TASP1: variants seen among roughly 807,000 people sequenced by gnomAD.
TASP1 encodes threonine aspartase 1.
Under a neutral mutation model 56.6 loss-of-function variants are expected in TASP1, and 16 were observed. The ratio of observed to expected loss-of-function variants is 0.28; its 90% confidence interval spans 0.19 to 0.43. TASP1 has a LOEUF of 0.43. Ranked by LOEUF, TASP1 falls within the 20% of genes least tolerant of loss-of-function variation. The pLI is 1.00. For synonymous variants in TASP1, 179 were observed against 184.2 expected (o/e 0.97, Z 0.23); for missense variants, 393 against 511.6 (o/e 0.77, Z 2.24).
chr20:13,319,791 C>G, the TASP1 span, among the ~76,000 whole-genome samples: 1 of 152,202 alleles, frequency 6.6e-6, no homozygotes, highest in Non-Finnish European at 1.5e-5. Flanking sequence ...AGCCAGCCAA[C>G]CTTCTTGTCC....
chr20:13,620,932 T>C (rs1383365770), intron 4 of TASP1, among the ~76,000 whole-genome samples: 1 of 152,192 alleles, frequency 6.6e-6, no homozygotes, highest in Non-Finnish European at 1.5e-5. Flanking sequence ...TTTAAGGTAA[T>C]GAATCACAAT....
intron 7 of TASP1, 139 bp downstream of exon 7, chr20:13,569,368 C>T (rs1259519093): frequency 1.9e-5 from 11 of 573,260 alleles, no homozygotes; most frequent in Admixed American, 7.4e-5. Flanking sequence ...TAACTTTCTA[C>T]GTAGCTTTTA....
At chr20:13,352,488 A>G in the TASP1 span, among the ~76,000 whole-genome samples, 1 of 151,886 alleles carries the variant, frequency 6.6e-6, no homozygotes, top group Non-Finnish European at 1.5e-5. Context: ...TAGATTTTAT[A>G]GCAGATGTTG....
the TASP1 span, among the ~76,000 whole-genome samples, chr20:13,298,364 C>T: frequency 6.6e-6 from 1 of 152,198 alleles, no homozygotes; most frequent in Non-Finnish European, 1.5e-5. Flanking sequence ...GATCCGCCCG[C>T]CTCAGCCTCC....
At chr20:13,470,616 A>G (rs1368455980) in intron 11 of TASP1, among the ~76,000 whole-genome samples, 1 of 151,372 alleles carries the variant, frequency 6.6e-6, no homozygotes, top group African/African-American at 2.4e-5. Context: ...CTCTAGTTAA[A>G]CAAAAAAGAA....
At chr20:13,312,587 G>A in the TASP1 span, among the ~76,000 whole-genome samples, 1 of 152,126 alleles carries the variant, frequency 6.6e-6, no homozygotes, top group African/African-American at 2.4e-5. Context: ...CTAATGAGTC[G>A]CAGCCTGCTG....
intron 4 of TASP1, chr20:13,616,927 C>T (rs2048544108): frequency 2.6e-6 from 1 of 377,970 alleles, no homozygotes; most frequent in Non-Finnish European, 5.3e-6. Flanking sequence ...CACAGCCTGT[C>T]TTCTAATTAA....
intron 10 of TASP1, among the ~76,000 whole-genome samples, chr20:13,494,095 A>G (rs556938083): frequency 4.6e-5 from 7 of 152,374 alleles, no homozygotes; most frequent in African/African-American, 1.7e-4. Context: ...TCATTAGGAA[A>G]GTAGCCATAA....
At chr20:13,441,897 T>C (rs1264256064) in intron 11 of TASP1, among the ~76,000 whole-genome samples, 6 of 152,174 alleles carry the variant, frequency 3.9e-5, no homozygotes, top group South Asian at 2.1e-4. Flanking sequence ...CAAAGTTTAC[T>C]GTAAAAAGAG....
At chr20:13,372,927 T>G in the TASP1 span, among the ~76,000 whole-genome samples, 3 of 152,294 alleles carry the variant, frequency 2.0e-5, no homozygotes, top group African/African-American at 7.2e-5. Context: ...TTACCCATTC[T>G]TCCTTTCTGT....
At chr20:13,580,473 T>C (rs2047080496) in intron 6 of TASP1, among the ~76,000 whole-genome samples, 1 of 150,820 alleles carries the variant, frequency 6.6e-6, no homozygotes, top group Non-Finnish European at 1.5e-5. Context: ...AAAATAAAAA[T>C]AAACAAAAAC....
At chr20:13,335,366 A>C in the TASP1 span, among the ~76,000 whole-genome samples, 1 of 150,026 alleles carries the variant, frequency 6.7e-6, no homozygotes, top group Admixed American at 6.6e-5. Context: ...ACACACAAAC[A>C]CACACCCTGG....
chr20:13,266,714 T>G, the TASP1 span, among the ~76,000 whole-genome samples: 1 of 152,246 alleles, frequency 6.6e-6, no homozygotes, highest in Non-Finnish European at 1.5e-5. Context: ...GTCATGATGC[T>G]TTCCTTAAAT....
chr20:13,569,228 T>A (rs1487309056), intron 7 of TASP1, among the ~76,000 whole-genome samples: 5 of 151,896 alleles, frequency 3.3e-5, no homozygotes. Flanking sequence ...CATTGAAGGG[T>A]GGTATTAATG....
At chr20:13,564,767 G>A (rs776353901) in intron 7 of TASP1, among the ~76,000 whole-genome samples, 8 of 152,002 alleles carry the variant, frequency 5.3e-5, no homozygotes, top group East Asian at 1.9e-4. Flanking sequence ...TTTGGAGGCC[G>A]AGGCAGGCAA....
At chr20:13,179,026 G>A in the TASP1 span, among the ~76,000 whole-genome samples, 1 of 151,940 alleles carries the variant, frequency 6.6e-6, no homozygotes, top group Non-Finnish European at 1.5e-5. Context: ...ACATCACTAT[G>A]TACCCCATGA....
rs145510140 is a variant in TASP1 at position 13,400,164 on chromosome 20, T to C, written c.1171-9712A>G. On this transcript the variant is annotated intron_variant, in intron 13 of 13. Coordinates refer to ENST00000337743, the MANE Select transcript of TASP1 (RefSeq NM_017714.3). ...TATGTAAGTCCTCAAGTACAGGGAT[T>C]CTTGTCGCTTGGTTCACTATGATGT... 3.5e-3 allele frequency among the ~76,000 whole-genome samples: 540 copies of C among 152,318 alleles called. 2 individuals are homozygous for C. Among genetic ancestry groups the C allele is most frequent in the Middle Eastern group, 0.017 (5 of 294 alleles).
chr20:13,404,350 C>T (rs2041841990), intron 13 of TASP1, among the ~76,000 whole-genome samples: 1 of 152,206 alleles, frequency 6.6e-6, no homozygotes, highest in Non-Finnish European at 1.5e-5. Context: ...CACTTGTAAT[C>T]TCAGTGCTTT....
At chr20:13,471,849 G>A (rs559587879) in intron 11 of TASP1, among the ~76,000 whole-genome samples, 2 of 152,290 alleles carry the variant, frequency 1.3e-5, no homozygotes, top group East Asian at 3.9e-4. Flanking sequence ...CACGGAGGGA[G>A]AGCCAAAGCA....
Sources: allele counts gnomAD v4.1 joint callset (sites outside exome capture counted in the v4.1 genomes callset), GRCh38; gene constraint gnomAD v4.1.1; transcripts MANE v1.5; gene names NCBI Gene and HGNC (gene_info 2026-07-23, HGNC 2026-07-21).